Variants in CHST11 observed in about 807,000 individuals in gnomAD.
CHST11 encodes C4S-1.
Under a neutral mutation model 30.4 loss-of-function variants are expected in CHST11, and 9 were observed. That is an observed-to-expected ratio of 0.30 (90% CI 0.18 to 0.52). The LOEUF (loss-of-function observed/expected upper bound fraction) is 0.52. Ranked by LOEUF, CHST11 falls within the 20% of genes least tolerant of loss-of-function variation. The pLI, the probability that CHST11 is intolerant of heterozygous loss-of-function variation, is 0.97. For synonymous variants in CHST11, 152 were observed against 187.8 expected (o/e 0.81, Z 1.56); for missense variants, 348 against 460.6 (o/e 0.76, Z 2.24).
At chr12:104,561,987 T>C (rs2038518830) in intron 1 of CHST11, among the ~76,000 whole-genome samples, 1 of 152,086 alleles carries the variant, frequency 6.6e-6, no homozygotes, top group African/African-American at 2.4e-5. Context: ...AATGCTGGAC[T>C]CCAGAGCTCA....
chr12:104,514,774 C>T lies in CHST11; in HGVS notation c.118+57245C>T, dbSNP rs547785053. On this transcript the variant is annotated intron_variant, in intron 1 of 2. Transcript: ENST00000303694. ...TAACAGAGCGACAAGTCACTCGTTA[C>T]CCCAGGATGGCAAGGTCTGCCCCCA... Among the ~76,000 whole-genome samples the T allele has an allele frequency of 8.5e-5, 13 of 152,282 alleles. No homozygotes were observed. The South Asian group carries it at 2.7e-3, about 32-fold the overall frequency.
chr12:104,587,710 T>C (rs573127177), intron 1 of CHST11, among the ~76,000 whole-genome samples: 33 of 152,178 alleles, frequency 2.2e-4, no homozygotes, highest in African/African-American at 6.5e-4. Flanking sequence ...AGTATTTACA[T>C]AATAGAAATC....
intron 2 of CHST11, among the ~76,000 whole-genome samples, chr12:104,692,692 C>CTGAGCTCCACCTCCTGTCATATCAG (rs1353108458): frequency 3.9e-5 from 6 of 152,136 alleles, no homozygotes; most frequent in African/African-American, 1.4e-4. Flanking sequence ...GCATTACTGC[C>CTGAGCTCCACCTCCTGTCATATCAG]TGAGCTCCAC....
chr12:104,588,012 C>T (rs1430132803), intron 1 of CHST11, among the ~76,000 whole-genome samples: 1 of 151,680 alleles, frequency 6.6e-6, no homozygotes, highest in Non-Finnish European at 1.5e-5. Context: ...TAGATCTATT[C>T]AAAGAGGCCA....
At chr12:104,720,533 G>C (rs536921023) in intron 2 of CHST11, among the ~76,000 whole-genome samples, 23 of 152,134 alleles carry the variant, frequency 1.5e-4, no homozygotes, top group Non-Finnish European at 2.6e-4. Context: ...GGTCTCCCGG[G>C]GTCTCCCCAG....
chr12:104,760,384 G>C lies in CHST11; in HGVS notation c.*2581G>C, dbSNP rs937789381. On this transcript the variant is annotated 3_prime_UTR_variant, in exon 3 of 3. Transcript: ENST00000303694. The stretch of plus-strand genomic sequence containing the variant: ...GACTACAATTCTATCCCTCCCAGAG[G>C]GAGTGGAGGAAGTCTTGGGTGGTGT... 1.3e-5 allele frequency: 2 copies of C among 152,208 alleles called. No individual in the cohort carries two copies. The highest frequency in any genetic ancestry group is 2.9e-5 in the Non-Finnish European group (2 of 68,082). The allele number at this position is 152,208 out of a possible 1,614,324, so 9.4% of individuals were successfully genotyped here.
intron 2 of CHST11, among the ~76,000 whole-genome samples, chr12:104,634,497 C>T (rs2039304194): frequency 6.6e-6 from 1 of 152,230 alleles, no homozygotes; most frequent in Non-Finnish European, 1.5e-5. Context: ...CCGCAGGATG[C>T]TCACGGTTTG....
intron 2 of CHST11, among the ~76,000 whole-genome samples, chr12:104,649,137 G>C (rs1454226383): frequency 6.6e-6 from 1 of 152,114 alleles, no homozygotes; most frequent in African/African-American, 2.4e-5. Context: ...AGAAGGGTGG[G>C]GAATGGATGG....
At position 104,550,242 on chromosome 12, in the gene CHST11, A is replaced by G. The variant is rs926641266; in HGVS notation, c.119-51664A>G. On this transcript the variant is annotated intron_variant, in intron 1 of 2. Coordinates refer to ENST00000303694, the MANE Select transcript of CHST11 (RefSeq NM_018413.6). ...GTTGTCTGATAGTGTTTCCTGGGTC[A>G]GCTGGCATTTCCCCCATGTGGTCTG... 2.6e-5 allele frequency among the ~76,000 whole-genome samples: 4 copies of G among 152,358 alleles called. No individual in the cohort carries two copies. The East Asian group carries it at 5.8e-4, about 22-fold the overall frequency.
At chr12:104,668,635 G>A (rs923630323) in intron 2 of CHST11, among the ~76,000 whole-genome samples, 1 of 152,036 alleles carries the variant, frequency 6.6e-6, no homozygotes, top group African/African-American at 2.4e-5. Context: ...AACATTTATC[G>A]TCCCCTAGTT....
intron 2 of CHST11, among the ~76,000 whole-genome samples, chr12:104,698,906 AT>A (rs1321839685): frequency 6.6e-6 from 1 of 152,220 alleles, no homozygotes. Flanking sequence ...ATTGAATGTG[AT>A]TGAATATTGT....
At chr12:104,480,208 C>G (rs1270955661) in intron 1 of CHST11, among the ~76,000 whole-genome samples, 3 of 152,134 alleles carry the variant, frequency 2.0e-5, no homozygotes, top group Admixed American at 6.5e-5. Flanking sequence ...CCGCCCCCCC[C>G]TCCAAATTCA....
At chr12:104,626,572 C>T (rs2039216292) in intron 2 of CHST11, among the ~76,000 whole-genome samples, 1 of 144,004 alleles carries the variant, frequency 6.9e-6, no homozygotes, top group South Asian at 2.2e-4. Flanking sequence ...GGGCAGCCTC[C>T]CCACCCAAAA....
At chr12:104,735,728 A>G (rs1434853069) in intron 2 of CHST11, among the ~76,000 whole-genome samples, 1 of 152,224 alleles carries the variant, frequency 6.6e-6, no homozygotes, top group Non-Finnish European at 1.5e-5. Flanking sequence ...CTGCTGAGAG[A>G]CAGAGCCTGA....
chr12:104,660,926 C>G (rs1317941284), intron 2 of CHST11, among the ~76,000 whole-genome samples: 3 of 152,136 alleles, frequency 2.0e-5, no homozygotes, highest in African/African-American at 7.2e-5. Flanking sequence ...CTGTGGTTCT[C>G]ATCCTTCTGT....
chr12:104,636,305 A>G (rs2039322830), intron 2 of CHST11, among the ~76,000 whole-genome samples: 1 of 152,232 alleles, frequency 6.6e-6, no homozygotes, highest in South Asian at 2.1e-4. Flanking sequence ...AAGACACATG[A>G]TGGGACACAC....
At chr12:104,594,818 A>G (rs772509809) in intron 1 of CHST11, among the ~76,000 whole-genome samples, 1 of 152,160 alleles carries the variant, frequency 6.6e-6, no homozygotes, top group African/African-American at 2.4e-5. Context: ...TTATCTGGGC[A>G]TGGTGGCATA....
In CHST11 at chr12:104,729,524, C is replaced by T. The variant is rs1468091299; in HGVS notation, c.205-27425C>T. Among the ~76,000 whole-genome samples the T allele has an allele frequency of 6.6e-6, 1 of 152,164 alleles. No homozygotes were observed. Among genetic ancestry groups the T allele is most frequent in the African/African-American group, 2.4e-5 (1 of 41,440 alleles). On this transcript the variant is annotated intron_variant, in intron 2 of 2. Transcript: ENST00000303694. This position sits in a 1 kb window ranked among gnomAD's most constrained non-coding sequence, Gnocchi z 4.0. Reference sequence around the variant, plus strand: ...GCCCAGGAATCTGCATTTTAACAAGCCCCTGCCCTCTGACTTTGAGATCCA... The same window carrying T: ...GCCCAGGAATCTGCATTTTAACAAGTCCCTGCCCTCTGACTTTGAGATCCA...
At chr12:104,687,578 A>G (rs943413040) in intron 2 of CHST11, among the ~76,000 whole-genome samples, 5 of 152,232 alleles carry the variant, frequency 3.3e-5, no homozygotes, top group African/African-American at 1.2e-4. Context: ...ATTTGATTCC[A>G]GGGTAGTCTT....
Sources: allele counts gnomAD v4.1 joint callset (sites outside exome capture counted in the v4.1 genomes callset), GRCh38; gene constraint gnomAD v4.1.1; non-coding constraint Gnocchi (gnomAD v3.1); transcripts MANE v1.5; gene names NCBI Gene and HGNC (gene_info 2026-07-23, HGNC 2026-07-21).